Variants in PAH observed in about 807,000 individuals in gnomAD.
The protein encoded by PAH is phenylalanine-4-hydroxylase.
A neutral mutation model predicts 62.0 loss-of-function variants in PAH; 64 were observed. The ratio of observed to expected loss-of-function variants is 1.03; its 90% CI spans 0.84 to 1.27. PAH has a LOEUF of 1.27. Among genes scored for constraint, PAH ranks in the 50% most tolerant of loss-of-function variants. The pLI, the probability that PAH is intolerant of heterozygous loss-of-function variation, is 0.00. For missense variants in PAH, 579 were observed against 542.8 expected (o/e 1.07, Z -0.66); for synonymous variants, 195 against 196.2 (o/e 0.99, Z 0.05).
chr12:102,903,098 C>T (rs879907699), intron 2 of PAH, among the ~76,000 whole-genome samples: 10 of 152,224 alleles, frequency 6.6e-5, no homozygotes, highest in Admixed American at 2.0e-4. Context: ...CGGTGGCTCA[C>T]GCCTGTAATC....
chr12:102,871,993 A>T (rs1876366998), intron 4 of PAH, among the ~76,000 whole-genome samples: 1 of 144,940 alleles, frequency 6.9e-6, no homozygotes, highest in African/African-American at 2.6e-5. Context: ...TATTTGCAAA[A>T]CCTAGGGCAA....
chr12:102,857,962 T>C (rs1250830556), intron 5 of PAH, among the ~76,000 whole-genome samples: 6 of 152,142 alleles, frequency 3.9e-5, no homozygotes, highest in Non-Finnish European at 7.3e-5. Context: ...AGGATCAAAT[T>C]CACACATAAC....
rs143297006 is a variant in PAH at position 102,881,774 on chromosome 12, C to T, written c.353-4224G>A. On this transcript the variant is annotated intron_variant, in intron 3 of 12. Transcript: ENST00000553106. ...TGCTCTTAGGGTTCACCCATGTTCT[C>T]CCAAATGACAATATTTCTTTTTTCA... is the stretch of plus-strand genomic sequence containing the variant. Among the ~76,000 whole-genome samples, 246 of 152,310 alleles carry T rather than the reference C, an allele frequency of 1.6e-3. 1 individual carries two copies. The highest frequency in any genetic ancestry group is 2.9e-3 in the Non-Finnish European group (196 of 68,016).
chr12:102,884,587 C>T lies in PAH; in HGVS notation c.353-7037G>A, dbSNP rs539985245. Among the ~76,000 whole-genome samples the T allele has an allele frequency of 1.3e-3, 191 of 152,294 alleles. 1 individual carries two copies. The highest frequency in any genetic ancestry group is 5.2e-3 in the South Asian group (25 of 4,816). ...GGCAAGGTGCTGAGCACTTGCCTGC[C>T]TCCTTCTTTGGGGTGGGAAGAAACT... On this transcript the variant is annotated intron_variant, in intron 3 of 12. Coordinates refer to ENST00000553106, the MANE Select transcript of PAH (RefSeq NM_000277.3).
upstream of PAH, among the ~76,000 whole-genome samples, chr12:102,952,721 G>C (rs924456269): frequency 1.3e-5 from 2 of 152,120 alleles, no homozygotes; most frequent in Non-Finnish European, 2.9e-5. Flanking sequence ...TATCCCAAAA[G>C]CCACAATAAA....
chr12:102,864,953 C>T (rs920080492), intron 5 of PAH, among the ~76,000 whole-genome samples: 11 of 152,076 alleles, frequency 7.2e-5, no homozygotes, highest in African/African-American at 2.4e-4. Flanking sequence ...TTTAAAAAGG[C>T]GAGCCCTTTA....
rs1032850965 is a variant in PAH at position 102,839,048 on chromosome 12, A to G, written c.*127T>C. The G allele has an allele frequency of 2.5e-6, 2 of 794,756 alleles. No individual in the cohort carries two copies. The highest frequency in any genetic ancestry group is 2.0e-5 in the Admixed American group (1 of 50,650). The allele number at this position is 794,756 out of a possible 1,614,324, so 49.2% of individuals were successfully genotyped here. On this transcript the variant is annotated 3_prime_UTR_variant, in exon 13 of 13. Transcript: ENST00000553106. The stretch of plus-strand genomic sequence containing the variant: ...ATTTTGACTTATTTGTTGTTTCTCC[A>G]TCTTGTAAAGGATTTAAGGCTGTTA...
intron 1 of PAH, among the ~76,000 whole-genome samples, chr12:102,936,672 T>C (rs536524085): frequency 1.3e-5 from 2 of 152,354 alleles, no homozygotes; most frequent in East Asian, 3.9e-4. Context: ...TATCTGGAAA[T>C]ATATTTTGTC....
chr12:102,945,718 G>T (rs1879469352), intron 1 of PAH, among the ~76,000 whole-genome samples: 1 of 152,118 alleles, frequency 6.6e-6, no homozygotes, highest in Non-Finnish European at 1.5e-5. Flanking sequence ...CTGGCCCAGG[G>T]CAGTCCAGAA....
At chr12:102,861,505 C>T (rs1316751599) in intron 5 of PAH, among the ~76,000 whole-genome samples, 1 of 152,194 alleles carries the variant, frequency 6.6e-6, no homozygotes, top group African/African-American at 2.4e-5. Flanking sequence ...GATTATAAAT[C>T]ATGCTGCTAT....
At chr12:102,954,595 T>C (rs970806368), upstream of PAH, among the ~76,000 whole-genome samples, 1 of 152,172 alleles carries the variant, frequency 6.6e-6, no homozygotes, top group Non-Finnish European at 1.5e-5. Context: ...GGGGCCTAGA[T>C]ACCAAGTCAA....
At chr12:102,876,708 C>T (rs981241571) in intron 4 of PAH, among the ~76,000 whole-genome samples, 5 of 152,158 alleles carry the variant, frequency 3.3e-5, no homozygotes, top group African/African-American at 7.2e-5. Context: ...CCTGAGCCAC[C>T]GCAGCCTGGG....
Position 102,837,135 on chromosome 12 carries a change from C to G in PAH, c.*2040G>C, listed in dbSNP as rs1297507291. The G allele has an allele frequency of 6.6e-6, 1 of 152,190 alleles. No homozygotes were observed. The highest frequency in any genetic ancestry group is 2.4e-5 in the African/African-American group (1 of 41,452). 9.4% of individuals were successfully genotyped at this position (152,190 alleles called of 1,614,324 possible). A position where few individuals can be genotyped will look rare whatever the true frequency, so the allele number is the denominator to read the frequency against. On this transcript the variant is annotated 3_prime_UTR_variant, in exon 13 of 13. Transcript: ENST00000553106. The stretch of plus-strand genomic sequence containing the variant: ...GAAATTAAACAAATAAAAACACTTA[C>G]ATATTGGAAATTTATTAAATCCCAT...
At chr12:102,867,726 G>C (rs373561873) in intron 4 of PAH, among the ~76,000 whole-genome samples, 202 of 151,932 alleles carry the variant, frequency 1.3e-3, no homozygotes, top group African/African-American at 4.7e-3. Context: ...CTTTTAAAAA[G>C]AGAAATATTC....
At chr12:102,915,447 A>AT (rs1443208523) in intron 1 of PAH, among the ~76,000 whole-genome samples, 1 of 152,118 alleles carries the variant, frequency 6.6e-6, no homozygotes, top group African/African-American at 2.4e-5. Context: ...CTAATTATCA[A>AT]TTTTTCTACA....
chr12:102,872,137 A>G (rs577481427), intron 4 of PAH, among the ~76,000 whole-genome samples: 2 of 152,100 alleles, frequency 1.3e-5, no homozygotes, highest in Non-Finnish European at 2.9e-5. Flanking sequence ...TTTTTAGAAG[A>G]CCAATAAGTT....
chr12:102,910,538 T>G (rs953623541), intron 2 of PAH, among the ~76,000 whole-genome samples: 1 of 151,992 alleles, frequency 6.6e-6, no homozygotes, highest in Non-Finnish European at 1.5e-5. Context: ...GCCGGGCTAA[T>G]TTTTTGTATT....
chr12:102,907,499 C>A (rs867289346), intron 2 of PAH, among the ~76,000 whole-genome samples: 1 of 152,116 alleles, frequency 6.6e-6, no homozygotes, highest in African/African-American at 2.4e-5. Context: ...TAGTTTAATG[C>A]GGATTAAATG....
intron 1 of PAH, among the ~76,000 whole-genome samples, chr12:102,927,763 G>C (rs1229235198): frequency 1.3e-5 from 2 of 151,990 alleles, no homozygotes; most frequent in Admixed American, 1.3e-4. Context: ...TCATTATGTA[G>C]GTACGTCAAG....
Sources: gnomAD v4.1 joint callset for allele counts (sites outside exome capture counted in the v4.1 genomes callset) on GRCh38, gnomAD v4.1.1 for gene constraint, MANE v1.5 for transcripts, NCBI Gene and HGNC (gene_info 2026-07-23, HGNC 2026-07-21) for gene names.